Variants in DPP10 observed in about 807,000 individuals in gnomAD.
DPP10 encodes dipeptidyl peptidase like 10, also known as inactive dipeptidyl peptidase 10.
Under a neutral mutation model 120.9 loss-of-function variants are expected in DPP10, and 33 were observed. The ratio of observed to expected loss-of-function variants is 0.27; its 90% CI spans 0.21 to 0.37. The LOEUF (loss-of-function observed/expected upper bound fraction) is 0.37, where lower values mean the gene tolerates loss of function less well. Among genes scored for constraint, DPP10 ranks in the 10% least tolerant of loss-of-function variants. DPP10 has a pLI of 1.00. For synonymous variants in DPP10, 337 were observed against 326.1 expected (o/e 1.03, Z -0.36); for missense variants, 816 against 942.8 (o/e 0.87, Z 1.76).
chr2:115,265,268 C>CATATATATATATATATAT (rs55778302), intron 1 of DPP10, among the ~76,000 whole-genome samples: 113 of 142,488 alleles, frequency 7.9e-4, no homozygotes, highest in African/African-American at 2.7e-3. Context: ...CTTTGGATTC[C>CATATATATATATATATAT]ATATATATAT....
chr2:115,474,978 T>G (rs2074980799), intron 3 of DPP10, among the ~76,000 whole-genome samples: 1 of 151,938 alleles, frequency 6.6e-6, no homozygotes, highest in Admixed American at 6.6e-5. Flanking sequence ...CATATCTCAC[T>G]CTGCTCCAGC....
At position 115,005,797 on chromosome 2, in the gene DPP10, G is replaced by A. The variant is rs566455356; in HGVS notation, c.61-303442G>A. ...AACCAAGTTGGAAAACACTCTGCAG[G>A]ATATTATCCAGGAGAATTTCCCCAA... On this transcript the variant is annotated intron_variant, in intron 1 of 25. Coordinates refer to ENST00000410059, the MANE Select transcript of DPP10 (RefSeq NM_020868.6). 2.9e-3 allele frequency among the ~76,000 whole-genome samples: 445 copies of A among 152,194 alleles called. 1 individual carries two copies. Among genetic ancestry groups the A allele is most frequent in the Admixed American group, 6.3e-3 (97 of 15,286 alleles).
In DPP10 at chr2:114,663,271, T is replaced by TATATAC. The variant is rs375462897; in HGVS notation, c.60+220434_60+220435insTATACA. Among the ~76,000 whole-genome samples, 1,330 of 147,242 alleles carry TATATAC rather than the reference T, an allele frequency of 9.0e-3. 12 individuals carry two copies. The highest frequency in any genetic ancestry group is 0.014 in the Non-Finnish European group (927 of 67,058). On this transcript the variant is annotated intron_variant, in intron 1 of 25. Coordinates refer to ENST00000410059, the MANE Select transcript of DPP10 (RefSeq NM_020868.6). ...ATATATATATATATCTATATATATA[T>TATATAC]ACACACACATATATGTATACATATA...
chr2:114,604,913 G>C (rs1692664578), intron 1 of DPP10, among the ~76,000 whole-genome samples: 1 of 152,056 alleles, frequency 6.6e-6, no homozygotes, highest in African/African-American at 2.4e-5. Context: ...GCTCCATGTG[G>C]TTAAGTAATC....
chr2:115,480,309 G>A (rs990353095), intron 3 of DPP10, among the ~76,000 whole-genome samples: 2 of 152,066 alleles, frequency 1.3e-5, no homozygotes, highest in African/African-American at 2.4e-5. Flanking sequence ...CTAACAAAAT[G>A]TCCTTCCCAT....
chr2:115,325,716 T>C (rs892170754), intron 2 of DPP10, among the ~76,000 whole-genome samples: 6 of 152,138 alleles, frequency 3.9e-5, no homozygotes, highest in Admixed American at 2.0e-4. Context: ...TGAAAAGTTA[T>C]GTTTTTCAAA....
At chr2:115,114,921 T>C (rs1255753115) in intron 1 of DPP10, among the ~76,000 whole-genome samples, 1 of 151,794 alleles carries the variant, frequency 6.6e-6, no homozygotes, top group African/African-American at 2.4e-5. Flanking sequence ...GGGACATAAA[T>C]AGTTTGATAA....
intron 5 of DPP10, among the ~76,000 whole-genome samples, chr2:115,638,788 C>G (rs533589928): frequency 1.3e-5 from 2 of 152,114 alleles, no homozygotes; most frequent in African/African-American, 4.8e-5. Context: ...GTCAACAAAA[C>G]AGGACTACTT....
intron 1 of DPP10, among the ~76,000 whole-genome samples, chr2:115,274,345 A>G (rs1472049495): frequency 6.6e-6 from 1 of 152,162 alleles, no homozygotes; most frequent in Non-Finnish European, 1.5e-5. Context: ...AATTAGCCAT[A>G]CTTTGACATT....
intron 1 of DPP10, among the ~76,000 whole-genome samples, chr2:114,453,243 G>A (rs1048130978): frequency 3.3e-5 from 5 of 152,106 alleles, no homozygotes; most frequent in Non-Finnish European, 5.9e-5. Context: ...TTCAACAAAC[G>A]TGTATTAATT....
chr2:115,256,607 T>C (rs2059010566), intron 1 of DPP10, among the ~76,000 whole-genome samples: 1 of 152,010 alleles, frequency 6.6e-6, no homozygotes, highest in South Asian at 2.1e-4. Flanking sequence ...TTGATGGGAG[T>C]GGATACCTGG....
At chr2:115,016,875 C>T (rs1376500961) in intron 1 of DPP10, among the ~76,000 whole-genome samples, 1 of 151,984 alleles carries the variant, frequency 6.6e-6, no homozygotes, top group Non-Finnish European at 1.5e-5. Context: ...TACTATGCAG[C>T]CATAGAAAAT....
chr2:114,550,488 ACCAGACAT>A (rs1687796521), intron 1 of DPP10, among the ~76,000 whole-genome samples: 4 of 152,246 alleles, frequency 2.6e-5, no homozygotes, highest in Non-Finnish European at 5.9e-5. Flanking sequence ...TGGGACTTCG[ACCAGACAT>A]CTGCTGGCAG....
intron 1 of DPP10, among the ~76,000 whole-genome samples, chr2:114,586,112 A>G (rs1039459689): frequency 2.0e-5 from 3 of 152,108 alleles, no homozygotes; most frequent in African/African-American, 7.2e-5. Flanking sequence ...TTAGCTGGGT[A>G]TCATGGTGAG....
intron 5 of DPP10, among the ~76,000 whole-genome samples, chr2:115,556,369 T>TG (rs1307948248): frequency 6.7e-6 from 1 of 149,796 alleles, no homozygotes; most frequent in Non-Finnish European, 1.5e-5. Flanking sequence ...GGCAGGTTTT[T>TG]TTTTTTTTTT....
At chr2:114,801,325 A>G (rs1684231850) in intron 1 of DPP10, among the ~76,000 whole-genome samples, 1 of 152,184 alleles carries the variant, frequency 6.6e-6, no homozygotes, top group Admixed American at 6.5e-5. Flanking sequence ...AGAAAATAAA[A>G]CAAATGATGA....
At chr2:115,392,143 C>CTGTT (rs1402261732) in intron 3 of DPP10, among the ~76,000 whole-genome samples, 1 of 152,026 alleles carries the variant, frequency 6.6e-6, no homozygotes, top group East Asian at 1.9e-4. Flanking sequence ...TACTTATTCT[C>CTGTT]TGTTGTCGAT....
intron 1 of DPP10, among the ~76,000 whole-genome samples, chr2:115,024,052 A>T (rs971795910): frequency 6.6e-6 from 1 of 152,080 alleles, no homozygotes; most frequent in Non-Finnish European, 1.5e-5. Context: ...CACACTGGGT[A>T]CAGTGTACAC....
chr2:115,258,724 A>T (rs1204385466), intron 1 of DPP10, among the ~76,000 whole-genome samples: 1 of 151,992 alleles, frequency 6.6e-6, no homozygotes, highest in Admixed American at 6.6e-5. Context: ...CCTGGATAAC[A>T]TAGTGAGATG....
Sources: gnomAD v4.1 joint callset for allele counts (sites outside exome capture counted in the v4.1 genomes callset) on GRCh38, gnomAD v4.1.1 for gene constraint, MANE v1.5 for transcripts, NCBI Gene and HGNC (gene_info 2026-07-23, HGNC 2026-07-21) for gene names.